Variants in VWA3A observed in about 807,000 individuals in gnomAD.
VWA3A encodes the protein von Willebrand factor A domain-containing protein 3A.
In VWA3A, 134 loss-of-function variants were observed where a neutral mutation model predicts 160.4. That is an observed-to-expected ratio of 0.84 (90% CI 0.73 to 0.96). The LOEUF is 0.96. Ranked by LOEUF, VWA3A falls within the 40% of genes least tolerant of loss-of-function variation. VWA3A has a pLI of 0.00. For missense variants in VWA3A, 1,310 were observed against 1,447.9 expected, an observed-to-expected ratio of 0.90 and a Z score of 1.55; for synonymous variants, 476 against 543.4, an observed-to-expected ratio of 0.88 and a Z score of 1.72.
At chr16:22,148,428 C>T (rs778480397) in intron 28 of VWA3A, 122 bp downstream of exon 28, 42 of 1,344,116 alleles carry the variant, frequency 3.1e-5, no homozygotes, top group South Asian at 2.9e-4. Flanking sequence ...TTCTGAGTAA[C>T]GCGTTTGAGT....
intron 26 of VWA3A, among the ~76,000 whole-genome samples, chr16:22,145,786 A>C (rs1370163078): frequency 6.6e-6 from 1 of 152,146 alleles, no homozygotes; most frequent in Non-Finnish European, 1.5e-5. Context: ...AAACAAAAAA[A>C]AAAAATACAC....
chr16:22,117,482 C>T (rs917411679), intron 11 of VWA3A, among the ~76,000 whole-genome samples: 10 of 152,154 alleles, frequency 6.6e-5, no homozygotes, highest in East Asian at 3.8e-4. Flanking sequence ...CTCCAGTTGC[C>T]GTTAATATAG....
At position 22,100,257 on chromosome 16, in the gene VWA3A, C is replaced by T. The variant is rs2045387661; in HGVS notation, c.289C>T (p.His97Tyr). Residue 97 changes from histidine (H) to tyrosine (Y), a missense_variant, in exon 4 of 34, where the codon CAC (histidine) becomes TAC (tyrosine). By Grantham distance (83) the His-to-Tyr change is moderately conservative. Transcript: ENST00000389398. ...WEDSEDWLSAHSLKCQKLTLA... is the reference protein window; with the variant it reads ...WEDSEDWLSAYSLKCQKLTLA... ...GGACTCTGAAGACTGGCTTTCGGCTCACAGTTTAAAATGTCAGAAACTCAC... is the reference window on the plus strand; with the variant it reads ...GGACTCTGAAGACTGGCTTTCGGCTTACAGTTTAAAATGTCAGAAACTCAC... 1.9e-6 allele frequency: 3 copies of T among 1,551,310 alleles called. No individual in the cohort carries two copies. The highest frequency in any genetic ancestry group is 2.6e-6 in the Non-Finnish European group (3 of 1,146,960).
chr16:22,117,319 C>T, intron 11 of VWA3A, 143 bp downstream of exon 11: 2 of 889,548 alleles, frequency 2.2e-6, no homozygotes, highest in Non-Finnish European at 1.7e-6. Context: ...AATGAGGTTA[C>T]ACAGGTAAAA....
intron 18 of VWA3A, 92 bp from the exon 19 acceptor site, chr16:22,131,493 G>T (rs375589082): frequency 1.6e-4 from 247 of 1,549,398 alleles, no homozygotes; most frequent in Non-Finnish European, 1.9e-4. Context: ...ACTCCATCAC[G>T]TCTGAGATGG....
intron 8 of VWA3A, among the ~76,000 whole-genome samples, chr16:22,113,546 T>C (rs2045588619): frequency 6.6e-6 from 1 of 150,994 alleles, no homozygotes; most frequent in Admixed American, 6.6e-5. Flanking sequence ...CTATTGTTGA[T>C]TTTTCTTTAC....
At chr16:22,093,831 C>T (rs1256706269) in intron 1 of VWA3A, among the ~76,000 whole-genome samples, 8 of 152,154 alleles carry the variant, frequency 5.3e-5, no homozygotes, top group Admixed American at 5.2e-4. Context: ...GCGATGCGAT[C>T]ACAGCTCACC....
chr16:22,120,826 GA>G, intron 12 of VWA3A, 141 bp from the exon 13 acceptor site: 1 of 1,010,786 alleles, frequency 9.9e-7, no homozygotes, highest in Non-Finnish European at 1.4e-6. Context: ...GGGGATGATG[GA>G]AGGGAAAGGC....
chr16:22,149,788 T>G lies in VWA3A; in HGVS notation c.2986T>G (p.Phe996Val). ...ACCTCCTCTTTTCCTCCTCCCCAGT[T>G]TTAACCTGCTCAGCTTTGCAGAGAG... ...WEQLRKCCDS[F>V]NLLSFAESFQ... Residue 996 changes from phenylalanine (F) to valine (V), a missense_variant and splice_region_variant, in exon 29 of 34, where the codon TTT (phenylalanine) becomes GTT (valine). By Grantham distance (50) the Phe-to-Val change is conservative. Transcript: ENST00000389398. 13 of 1,596,704 alleles carry G rather than the reference T, an allele frequency of 8.1e-6. 1 individual carries two copies. The highest frequency in any genetic ancestry group is 1.1e-5 in the Non-Finnish European group (13 of 1,167,424).
intron 9 of VWA3A, chr16:22,116,486 A>G (rs1472873946): frequency 1.9e-6 from 1 of 528,178 alleles, no homozygotes; most frequent in Non-Finnish European, 3.4e-6. Context: ...AAAGAAAAGA[A>G]AGAGAAGGAA....
intron 31 of VWA3A, among the ~76,000 whole-genome samples, chr16:22,154,718 G>A (rs1157710581): frequency 1.3e-5 from 2 of 151,218 alleles, no homozygotes; most frequent in Non-Finnish European, 2.9e-5. Flanking sequence ...ACTTTGGGAC[G>A]CCGAGGCGGG....
chr16:22,113,358 A>ATTTACTTTTTTTTTTTTT, intron 8 of VWA3A, among the ~76,000 whole-genome samples: 1 of 35,006 alleles, frequency 2.9e-5, no homozygotes, highest in Non-Finnish European at 7.0e-5. Flanking sequence ...TGCCTGGCTA[A>ATTTACTTTTTTTTTTTTT]TTTTCTTTTT....
intron 10 of VWA3A, 25 bp downstream of exon 10, chr16:22,116,892 T>C (rs1598061967): frequency 6.2e-7 from 1 of 1,603,062 alleles, no homozygotes. Context: ...TTCTCTGAGG[T>C]GCCCCTTGGC....
Position 22,140,136 on chromosome 16 carries a change from A to G in VWA3A, c.2293-18A>G, listed in dbSNP as rs1197352971. 2 of 1,610,688 alleles carry G rather than the reference A, an allele frequency of 1.2e-6. No homozygotes were observed. Among genetic ancestry groups the G allele is most frequent in the Non-Finnish European group, 1.7e-6 (2 of 1,177,826 alleles). On this transcript the variant is annotated intron_variant, in intron 22 of 33. Transcript: ENST00000389398. ...ACAGGGAACACTCCTCTGATGGGAA[A>G]GATTGCCTGTTTTCTAGAGCATTAA...
rs2045441452 is a variant in VWA3A at position 22,103,634 on chromosome 16, G to A, written c.483+105G>A. 5.8e-6 allele frequency: 8 copies of A among 1,370,574 alleles called. No individual in the cohort carries two copies. The South Asian group carries it at 9.3e-5, about 16-fold the overall frequency. 84.9% of individuals were successfully genotyped at this position (1,370,574 alleles called of 1,614,324 possible). A position where few individuals can be genotyped will look rare whatever the true frequency, so the allele number is the denominator to read the frequency against. ...TAGACCTCCAATATAAATTGCTTAAGCTAAAAAAAGGCATTTACTAACCTA... is the reference window on the plus strand; with the variant it reads ...TAGACCTCCAATATAAATTGCTTAAACTAAAAAAAGGCATTTACTAACCTA... On this transcript the variant is annotated intron_variant, in intron 6 of 33. Coordinates refer to ENST00000389398, the MANE Select transcript of VWA3A (RefSeq NM_173615.5).
intron 15 of VWA3A, 30 bp downstream of exon 15, chr16:22,123,195 T>C (rs2045777756): frequency 6.4e-7 from 1 of 1,572,494 alleles, no homozygotes; most frequent in Non-Finnish European, 8.6e-7. Flanking sequence ...AGTCAGAAAA[T>C]GGGGTGCAGA....
At chr16:22,126,000 C>T (rs2045841971) in intron 16 of VWA3A, among the ~76,000 whole-genome samples, 178 bp from the exon 17 acceptor site, 1 of 152,140 alleles carries the variant, frequency 6.6e-6, no homozygotes, top group African/African-American at 2.4e-5. Context: ...CCATGACCCC[C>T]TTAATCTACC....
At chr16:22,097,460 G>GA in intron 2 of VWA3A, 112 bp from the exon 3 acceptor site, 1 of 1,399,784 alleles carries the variant, frequency 7.1e-7, no homozygotes, top group Non-Finnish European at 9.5e-7. Flanking sequence ...TTACTGCACA[G>GA]AAAAATGTTT....
intron 12 of VWA3A, among the ~76,000 whole-genome samples, 190 bp from the exon 13 acceptor site, chr16:22,120,778 C>A (rs908033640): frequency 1.2e-4 from 18 of 152,106 alleles, no homozygotes; most frequent in Admixed American, 1.2e-3. Flanking sequence ...ACTCCTTCCT[C>A]TTCCCCTGGA....
Sources: allele counts gnomAD v4.1 joint callset (sites outside exome capture counted in the v4.1 genomes callset), GRCh38; gene constraint gnomAD v4.1.1; transcripts MANE v1.5; gene names NCBI Gene and HGNC (gene_info 2026-07-23, HGNC 2026-07-21).